Variants in TRIM61 observed in about 807,000 individuals in gnomAD.
The protein encoded by TRIM61 is putative tripartite motif-containing protein 61.
A neutral mutation model predicts 14.2 loss-of-function variants in TRIM61; 1 was observed. The observed-to-expected ratio is 0.07, with a 90% CI of 0.03 to 0.33. TRIM61 has a LOEUF of 0.33. Among genes scored for constraint, TRIM61 ranks in the 10% least tolerant of loss-of-function variants. The pLI, the probability that TRIM61 is intolerant of heterozygous loss-of-function variation, is 0.99. For synonymous variants in TRIM61, 8 were observed against 71.6 expected, an observed-to-expected ratio of 0.11 and a Z score of 4.49; for missense variants, 19 against 202.2, an observed-to-expected ratio of 0.09 and a Z score of 5.49.
chr4:164,958,569 C>T (rs1052931931), intron 3 of TRIM61: 2 of 166,896 alleles, frequency 1.2e-5, no homozygotes, highest in African/African-American at 4.8e-5. Flanking sequence ...AAGTTTTTTT[C>T]TTTCATTATT....
At chr4:164,963,477 A>G (rs1037196767) in intron 3 of TRIM61, among the ~76,000 whole-genome samples, 1 of 152,196 alleles carries the variant, frequency 6.6e-6, no homozygotes, top group Non-Finnish European at 1.5e-5. Context: ...ATGACAGGGC[A>G]CGGTGGCTCA....
At chr4:164,959,557 T>C (rs1017487910) in intron 3 of TRIM61, among the ~76,000 whole-genome samples, 1 of 152,104 alleles carries the variant, frequency 6.6e-6, no homozygotes, top group Non-Finnish European at 1.5e-5. Flanking sequence ...TGAAGAACAT[T>C]TGTGAAGGCC....
intron 3 of TRIM61, chr4:164,957,574 C>A (rs1732041206): frequency 4.9e-6 from 7 of 1,425,358 alleles, no homozygotes; most frequent in Non-Finnish European, 6.6e-6. Context: ...TTTAAATAAG[C>A]CAAAACTAAA....
chr4:164,972,722 C>G (rs1258270511), intron 2 of TRIM61, among the ~76,000 whole-genome samples: 1 of 152,224 alleles, frequency 6.6e-6, no homozygotes, highest in Non-Finnish European at 1.5e-5. Flanking sequence ...CTCTGGACTC[C>G]AAGTGATCGG....
chr4:164,968,463 G>A, intron 3 of TRIM61: 5 of 982,982 alleles, frequency 5.1e-6, no homozygotes, highest in Non-Finnish European at 6.0e-6. Context: ...GGAAGTTGCT[G>A]AAACTGAGAT....
At position 164,954,613 on chromosome 4, in the gene TRIM61, T is replaced by C. The variant is rs938680925; in HGVS notation, c.*172A>G. On this transcript the variant is annotated 3_prime_UTR_variant, in exon 5 of 5. Transcript: ENST00000329314. ...TTATACAGAAATACATATAATTACA[T>C]ACCTTACAAATGTAATTAAAATTTT... 7 of 152,162 alleles carry C rather than the reference T, an allele frequency of 4.6e-5. No individual in the cohort carries two copies. Among genetic ancestry groups the C allele is most frequent in the Non-Finnish European group, 8.8e-5 (6 of 68,032 alleles). 9.4% of individuals were successfully genotyped at this position (152,162 alleles called of 1,614,324 possible).
intron 2 of TRIM61, among the ~76,000 whole-genome samples, chr4:164,971,930 G>A (rs1446917099): frequency 6.6e-6 from 1 of 152,108 alleles, no homozygotes; most frequent in Admixed American, 6.5e-5. Context: ...GACAGTAATA[G>A]TATGTGCATG....
rs537578638 is a variant in TRIM61, at chr4:164,965,075, A to G, written c.525+4403T>C. ...GGCTGAGGCGGGTGGATCACTTGAG[A>G]TCAGAAGTTTGAGACCAGCCTGGCC... On this transcript the variant is annotated intron_variant, in intron 3 of 4. Transcript: ENST00000329314. Among the ~76,000 whole-genome samples the G allele has an allele frequency of 1.3e-3, 199 of 152,180 alleles. 1 individual carries two copies. Among genetic ancestry groups the G allele is most frequent in the African/African-American group, 4.4e-3 (184 of 41,532 alleles).
intron 3 of TRIM61, among the ~76,000 whole-genome samples, chr4:164,960,812 G>A (rs1233421696): frequency 2.6e-5 from 4 of 151,912 alleles, no homozygotes; most frequent in South Asian, 2.1e-4. Flanking sequence ...TTAGCTGGGC[G>A]TGGTGACACA....
chr4:164,964,688 G>A (rs924195265), intron 3 of TRIM61, among the ~76,000 whole-genome samples: 1 of 152,094 alleles, frequency 6.6e-6, no homozygotes, highest in Non-Finnish European at 1.5e-5. Context: ...TGATTTTTTG[G>A]GACATAAGGT....
chr4:164,968,814 A>G (rs1732298397), intron 3 of TRIM61: 1 of 975,876 alleles, frequency 1.0e-6, no homozygotes. Flanking sequence ...AATACAATAT[A>G]ATTATTCTGA....
chr4:164,955,968 C>T (rs1731979221), intron 3 of TRIM61, among the ~76,000 whole-genome samples: 1 of 152,170 alleles, frequency 6.6e-6, no homozygotes, highest in Admixed American at 6.5e-5. Flanking sequence ...GGACTGAAAA[C>T]GGGGAGGCGG....
At chr4:164,974,493 G>A (rs1732439158) in intron 2 of TRIM61, among the ~76,000 whole-genome samples, 1 of 152,064 alleles carries the variant, frequency 6.6e-6, no homozygotes. Context: ...GGTATCTTCG[G>A]GTGCCCTGGA....
chr4:164,957,100 G>T, intron 3 of TRIM61: 1 of 1,571,302 alleles, frequency 6.4e-7, no homozygotes, highest in South Asian at 1.2e-5. Context: ...GCCCTGCAGG[G>T]TGGGCTGGGC....
intron 3 of TRIM61, among the ~76,000 whole-genome samples, chr4:164,967,887 C>T (rs1359801160): frequency 1.3e-5 from 2 of 150,940 alleles, no homozygotes; most frequent in African/African-American, 4.9e-5. Context: ...CGTGGTGGCT[C>T]ACACCTGTAA....
chr4:164,967,264 TTA>T (rs1491126468), intron 3 of TRIM61, among the ~76,000 whole-genome samples: 1 of 152,234 alleles, frequency 6.6e-6, no homozygotes, highest in East Asian at 1.9e-4. Flanking sequence ...AGATTCACTG[TTA>T]TGTCTACTGA....
chr4:164,958,582 A>G (rs760768804), intron 3 of TRIM61: 5 of 167,038 alleles, frequency 3.0e-5, no homozygotes, highest in Non-Finnish European at 7.3e-5. Flanking sequence ...TCATTATTTT[A>G]GCAACTATCA....
At chr4:164,968,138 A>G (rs1019969326) in intron 3 of TRIM61, 143 bp downstream of exon 3, 2 of 984,542 alleles carry the variant, frequency 2.0e-6, no homozygotes, top group African/African-American at 1.7e-5. Flanking sequence ...GGGCAACGAA[A>G]AAAGGGGAGG....
chr4:164,963,573 G>A (rs1439634394), intron 3 of TRIM61, among the ~76,000 whole-genome samples: 1 of 151,648 alleles, frequency 6.6e-6, no homozygotes, highest in Admixed American at 6.6e-5. Flanking sequence ...GAGAAACCTC[G>A]TATCTACTAA....
Sources: gnomAD v4.1 joint callset for allele counts (sites outside exome capture counted in the v4.1 genomes callset) on GRCh38, gnomAD v4.1.1 for gene constraint, MANE v1.5 for transcripts, NCBI Gene and HGNC (gene_info 2026-07-23, HGNC 2026-07-21) for gene names.